Variants in AXDND1 observed in about 807,000 individuals in gnomAD.
AXDND1 encodes the protein axonemal dynein light chain domain-containing protein 1.
Under a neutral mutation model 137.5 loss-of-function variants are expected in AXDND1, and 110 were observed. The ratio of observed to expected loss-of-function variants is 0.80; its 90% CI spans 0.69 to 0.94. The LOEUF is 0.94. AXDND1 is among the 40% of genes least tolerant of loss of function. The pLI is 0.00. For missense variants in AXDND1, 1,191 were observed against 1,169.8 expected, an observed-to-expected ratio of 1.02 and a Z score of -0.26; for synonymous variants, 414 against 399.7, an observed-to-expected ratio of 1.04 and a Z score of -0.43.
intron 16 of AXDND1, among the ~76,000 whole-genome samples, chr1:179,465,975 G>A (rs924783168): frequency 5.9e-5 from 9 of 152,174 alleles, no homozygotes; most frequent in African/African-American, 9.7e-5. Context: ...TTGGAAAAGC[G>A]CAGTATTAGG....
At position 179,509,349 on chromosome 1, in the gene AXDND1, A is replaced by C. The variant is rs752822043; in HGVS notation, c.2442A>C (p.Lys814Asn). ...NTCSCLLSNI[K>N]GRKITLLTYE... ...GCTCTTGCCTCCTTTCTAATATCAA[A>C]GGCAGAAAAATTACATTATTGACAT... Residue 814 changes from lysine to asparagine, a missense_variant, in exon 21 of 26, where the codon AAA becomes AAC. Lys to Asn is a moderately conservative substitution (Grantham distance 94). Transcript: ENST00000367618. 4 of 1,612,934 alleles carry C rather than the reference A, an allele frequency of 2.5e-6. No individual in the cohort carries two copies. In the African/African-American group the frequency reaches 5.3e-5, roughly 22 times the overall value.
chr1:179,468,640 TC>T lies in AXDND1; in HGVS notation c.1997del (p.Ser666TrpfsTer10). 1 of 1,591,520 alleles carries T rather than the reference TC, an allele frequency of 6.3e-7. No individual in the cohort carries two copies. Among genetic ancestry groups the T allele is most frequent in the Non-Finnish European group, 8.5e-7 (1 of 1,171,834 alleles). ...ACAGCACATAGATGTGGATTCTGTTTCGTAAGTTCCCATAGGTTTCTTTTGT... is the reference window on the plus strand; with the variant it reads ...ACAGCACATAGATGTGGATTCTGTTTGTAAGTTCCCATAGGTTTCTTTTGT... ...VPQHIDVDSV[S>X]VLQAYIFNMI... On this transcript the variant is annotated frameshift_variant and splice_region_variant, in exon 17 of 26. Transcript: ENST00000367618. LOFTEE classifies it high-confidence loss of function.
At chr1:179,484,093 C>T (rs952018792) in intron 18 of AXDND1, among the ~76,000 whole-genome samples, 3 of 152,126 alleles carry the variant, frequency 2.0e-5, no homozygotes, top group African/African-American at 7.2e-5. Flanking sequence ...GGGACTCCTT[C>T]CTGGTCCCCA....
At chr1:179,396,191 A>T (rs998490270) in intron 11 of AXDND1, among the ~76,000 whole-genome samples, 1 of 151,036 alleles carries the variant, frequency 6.6e-6, no homozygotes, top group African/African-American at 2.4e-5. Context: ...AAAAAAAAAA[A>T]GAAAAATATT....
intron 25 of AXDND1, chr1:179,550,804 G>A: frequency 3.1e-6 from 1 of 320,012 alleles, no homozygotes; most frequent in Non-Finnish European, 6.0e-6. Flanking sequence ...AGGAAGGGCT[G>A]TGGGAGCTGT....
At chr1:179,395,266 A>T in intron 11 of AXDND1, 64 bp downstream of exon 11, 5 of 1,225,304 alleles carry the variant, frequency 4.1e-6, no homozygotes, top group Non-Finnish European at 5.9e-6. Flanking sequence ...ATAGCTTCTG[A>T]AATAATATAT....
intron 25 of AXDND1, chr1:179,543,719 A>T (rs1672382516): frequency 6.6e-6 from 1 of 152,188 alleles, no homozygotes; most frequent in Non-Finnish European, 1.5e-5. Flanking sequence ...CTGCCCCAGG[A>T]CCCAGAACTC....
chr1:179,499,479 G>T (rs1377156986), intron 20 of AXDND1, among the ~76,000 whole-genome samples: 1 of 152,158 alleles, frequency 6.6e-6, no homozygotes. Flanking sequence ...GCTTGTAAAG[G>T]AGGGGGAGGA....
intron 16 of AXDND1, among the ~76,000 whole-genome samples, chr1:179,466,884 A>G (rs534445698): frequency 1.3e-5 from 2 of 152,244 alleles, no homozygotes; most frequent in African/African-American, 2.4e-5. Flanking sequence ...CCAAGCAGGG[A>G]CTGAGCTGAA....
intron 25 of AXDND1, among the ~76,000 whole-genome samples, chr1:179,538,719 A>G (rs1188183117): frequency 3.3e-5 from 5 of 152,352 alleles, no homozygotes; most frequent in Non-Finnish European, 1.5e-5. Context: ...TACTTGGTCC[A>G]GAGCTGAGTT....
chr1:179,398,818 T>A (rs902377492), intron 11 of AXDND1, among the ~76,000 whole-genome samples: 2 of 150,002 alleles, frequency 1.3e-5, no homozygotes, highest in Non-Finnish European at 1.5e-5. Context: ...ACTGGCTGGG[T>A]GTCTGCCCAC....
rs1244524026 is a variant in AXDND1 at position 179,411,141 on chromosome 1, TA to T, written c.1110-4del. The T allele has an allele frequency of 6.5e-7, 1 of 1,547,106 alleles. No individual in the cohort carries two copies. The highest frequency in any genetic ancestry group is 8.7e-7 in the Non-Finnish European group (1 of 1,144,824). On this transcript the variant is annotated splice_region_variant and splice_polypyrimidine_tract_variant and intron_variant, in intron 11 of 25. Coordinates refer to ENST00000367618, the MANE Select transcript of AXDND1 (RefSeq NM_144696.6). ...AATGAAGCTGTTTCTTAATTGTTTT[TA>T]TAGAATAGTAGAAGAATATCATGAC... is the stretch of plus-strand genomic sequence containing the variant.
intron 11 of AXDND1, among the ~76,000 whole-genome samples, chr1:179,407,222 TTTTC>T (rs1558133104): frequency 6.6e-6 from 1 of 151,940 alleles, no homozygotes; most frequent in Non-Finnish European, 1.5e-5. Flanking sequence ...GCAGGGTTTT[TTTTC>T]TTTCTTTTTT....
intron 16 of AXDND1, among the ~76,000 whole-genome samples, chr1:179,457,843 C>T (rs1010062740): frequency 6.6e-6 from 1 of 152,014 alleles, no homozygotes; most frequent in African/African-American, 2.4e-5. Context: ...CCATGGATAC[C>T]TTGTATTTGG....
chr1:179,420,320 T>C (rs1289484918), intron 12 of AXDND1, among the ~76,000 whole-genome samples: 1 of 152,242 alleles, frequency 6.6e-6, no homozygotes, highest in Non-Finnish European at 1.5e-5. Context: ...TGATCTTTTT[T>C]AACATGTTGT....
chr1:179,429,791 AT>A (rs1378618275), intron 13 of AXDND1, among the ~76,000 whole-genome samples, 172 bp downstream of exon 13: 2 of 151,786 alleles, frequency 1.3e-5, no homozygotes, highest in Non-Finnish European at 2.9e-5. Context: ...TTATTTCTCT[AT>A]ATTTGTCTTC....
chr1:179,399,817 A>G (rs1651684520), intron 11 of AXDND1, among the ~76,000 whole-genome samples: 1 of 152,240 alleles, frequency 6.6e-6, no homozygotes, highest in African/African-American at 2.4e-5. Context: ...CAACAAACAT[A>G]TGAAAAAATG....
At chr1:179,408,825 C>T (rs1369853259) in intron 11 of AXDND1, among the ~76,000 whole-genome samples, 1 of 152,084 alleles carries the variant, frequency 6.6e-6, no homozygotes, top group Admixed American at 6.6e-5. Context: ...ACTACAGGTA[C>T]ACACTAGAGT....
chr1:179,533,719 C>T (rs1305649551), intron 23 of AXDND1, 76 bp from the exon 24 acceptor site: 11 of 1,156,930 alleles, frequency 9.5e-6, no homozygotes, highest in Admixed American at 5.2e-5. Context: ...AAGGTTTGAT[C>T]CAGAACATCC....
Sources: allele counts gnomAD v4.1 joint callset (sites outside exome capture counted in the v4.1 genomes callset), GRCh38; gene constraint gnomAD v4.1.1; transcripts MANE v1.5; gene names NCBI Gene and HGNC (gene_info 2026-07-23, HGNC 2026-07-21).